Variants in ZNF566 observed in about 807,000 individuals in gnomAD.
ZNF566 encodes the protein zinc finger protein 566.
In ZNF566, 27 loss-of-function variants were observed where a neutral mutation model predicts 32.8. That is an observed-to-expected ratio of 0.82 (90% CI 0.61 to 1.14). The LOEUF (loss-of-function observed/expected upper bound fraction) is 1.14. Among genes scored for constraint, ZNF566 ranks in the 50% most tolerant of loss-of-function variants. ZNF566 has a pLI of 0.00. For missense variants in ZNF566, 402 were observed against 490.4 expected (o/e 0.82, Z 1.70); for synonymous variants, 154 against 159.5 (o/e 0.97, Z 0.26).
intron 1 of ZNF566, among the ~76,000 whole-genome samples, chr19:36,485,478 G>A (rs58847706): frequency 0.094 from 14,066 of 148,968 alleles, 809 homozygotes; most frequent in Non-Finnish European, 0.13. Flanking sequence ...AAAAGTGGCC[G>A]GTGCTGGGCG....
chr19:36,481,487 A>AG (rs1035859240), intron 1 of ZNF566, among the ~76,000 whole-genome samples: 3 of 147,652 alleles, frequency 2.0e-5, no homozygotes, highest in Admixed American at 6.8e-5. Flanking sequence ...AAAAAAAAAA[A>AG]AAAAAAAAGA....
At chr19:36,488,334 A>T (rs1255964329) in intron 1 of ZNF566, among the ~76,000 whole-genome samples, 1 of 152,072 alleles carries the variant, frequency 6.6e-6, no homozygotes, top group African/African-American at 2.4e-5. Flanking sequence ...GCCTCAAGTG[A>T]TCCTCTCACC....
chr19:36,459,232 T>C (rs1308549094), intron 4 of ZNF566, among the ~76,000 whole-genome samples: 1 of 152,152 alleles, frequency 6.6e-6, no homozygotes, highest in African/African-American at 2.4e-5. Flanking sequence ...ATAAAACAAA[T>C]TTCCAGGGTT....
intron 4 of ZNF566, among the ~76,000 whole-genome samples, chr19:36,460,389 A>C (rs2967446): frequency 0.26 from 39,277 of 152,068 alleles, 5,171 homozygotes; most frequent in South Asian, 0.37. Flanking sequence ...AAGAAGAATA[A>C]ACAAGTTTTA....
At chr19:36,465,526 C>T (rs1431550235) in intron 4 of ZNF566, among the ~76,000 whole-genome samples, 28 of 151,746 alleles carry the variant, frequency 1.8e-4, no homozygotes, top group African/African-American at 7.3e-5. Flanking sequence ...CCCAGGAGTG[C>T]GGTGGCACGA....
In ZNF566 at chr19:36,449,002, A is replaced by G. The variant is rs1489312873; in HGVS notation, c.1232T>C (p.Ile411Thr). The G allele has an allele frequency of 3.1e-6, 5 of 1,592,008 alleles. No homozygotes were observed. Among genetic ancestry groups the G allele is most frequent in the Admixed American group, 1.8e-5 (1 of 55,282 alleles). The change falls in exon 5 of 5, where the codon ATT becomes ACT. Residue 411 changes from isoleucine (I) to threonine (T), a missense_variant. By Grantham distance (89) the Ile-to-Thr change is moderately conservative (BLOSUM62 -1). Coordinates refer to ENST00000452939, the MANE Select transcript of ZNF566 (RefSeq NM_001145344.1). ...TCACCAGTACAAATTTTGATGCTGA[A>G]TAAGTTGTGGGTCATAATTAAAGTT... ...GKNFNYDPQL[I>T]QHQNLYW
At chr19:36,486,915 C>T (rs1432518493) in intron 1 of ZNF566, among the ~76,000 whole-genome samples, 1 of 150,762 alleles carries the variant, frequency 6.6e-6, no homozygotes, top group African/African-American at 2.4e-5. Context: ...CATGGTGAAA[C>T]TCTGTCTCCA....
chr19:36,467,026 G>A (rs946714636), intron 4 of ZNF566, among the ~76,000 whole-genome samples: 3 of 149,634 alleles, frequency 2.0e-5, no homozygotes, highest in Admixed American at 6.6e-5. Context: ...CCGAGATGGC[G>A]CCGCTGCACT....
In ZNF566 at chr19:36,449,045, A is replaced by T. The variant is rs1482063696; in HGVS notation, c.1189T>A (p.Tyr397Asn). ...RIHTSEKPYE[Y>N]RECGKNFNYD... ...TTAAAGTTCTTTCCACATTCCCTATATTCATAGGGTTTCTCACTAGTATGA... is the reference window on the plus strand; with the variant it reads ...TTAAAGTTCTTTCCACATTCCCTATTTTCATAGGGTTTCTCACTAGTATGA... Residue 397 changes from tyrosine to asparagine, a missense_variant, in exon 5 of 5, where the codon TAT (tyrosine) becomes AAT (asparagine). Tyr to Asn is a moderately radical substitution (Grantham distance 143). This residue lies in a region of ZNF566 where 47 missense variants were observed against 38.5 expected (regional missense o/e 1.22). Coordinates refer to ENST00000452939, the MANE Select transcript of ZNF566 (RefSeq NM_001145344.1). The T allele has an allele frequency of 2.5e-6, 4 of 1,612,300 alleles. No individual in the cohort carries two copies. The highest frequency in any genetic ancestry group is 1.7e-5 in the Admixed American group (1 of 59,618).
rs1313138250 is a variant in ZNF566, at chr19:36,447,708, G to T, written c.*1269C>A. 1 of 151,982 alleles carries T rather than the reference G, an allele frequency of 6.6e-6. No individual in the cohort carries two copies. The highest frequency in any genetic ancestry group is 2.1e-4 in the South Asian group (1 of 4,824). The allele number at this position is 151,982 out of a possible 1,614,324, so 9.4% of individuals were successfully genotyped here. The stretch of plus-strand genomic sequence containing the variant: ...CTGGGTATATAATGCGACAAAAAGA[G>T]TATTAGTCGGAATAAAGTCCTTCAC... On this transcript the variant is annotated 3_prime_UTR_variant, in exon 5 of 5. Transcript: ENST00000452939.
chr19:36,450,115 A>G (rs1384887554), intron 4 of ZNF566, 114 bp from the exon 5 acceptor site: 21 of 814,932 alleles, frequency 2.6e-5, no homozygotes. Flanking sequence ...TGAGGAAAAA[A>G]GAGAGTTAGA....
At chr19:36,451,797 G>A (rs1202094796) in intron 4 of ZNF566, among the ~76,000 whole-genome samples, 1 of 152,172 alleles carries the variant, frequency 6.6e-6, no homozygotes, top group Non-Finnish European at 1.5e-5. Flanking sequence ...CACGAGGTCA[G>A]GAGTTTGAGA....
At chr19:36,452,273 C>G (rs1432994258) in intron 4 of ZNF566, among the ~76,000 whole-genome samples, 1 of 150,414 alleles carries the variant, frequency 6.6e-6, no homozygotes, top group African/African-American at 2.5e-5. Context: ...TTATCAGTTA[C>G]CCATAGAGAA....
At chr19:36,460,937 T>C (rs1021261414) in intron 4 of ZNF566, among the ~76,000 whole-genome samples, 10 of 152,158 alleles carry the variant, frequency 6.6e-5, no homozygotes, top group Non-Finnish European at 1.2e-4. Flanking sequence ...GAGTTGTGAA[T>C]CCAGAATTTT....
intron 4 of ZNF566, among the ~76,000 whole-genome samples, chr19:36,463,551 T>G (rs938904901): frequency 1.4e-5 from 2 of 145,478 alleles, no homozygotes; most frequent in African/African-American, 5.1e-5. Flanking sequence ...TTTTTTTTTT[T>G]TTTTTTTTTG....
rs181280552 is a variant in ZNF566 at position 36,464,183 on chromosome 19, T to C, written c.232+8728A>G. Among the ~76,000 whole-genome samples the C allele has an allele frequency of 2.5e-3, 388 of 152,294 alleles. 2 individuals carry two copies. Among genetic ancestry groups the C allele is most frequent in the African/African-American group, 8.5e-3 (354 of 41,564 alleles). On this transcript the variant is annotated intron_variant, in intron 4 of 4. Coordinates refer to ENST00000452939, the MANE Select transcript of ZNF566 (RefSeq NM_001145344.1). ...TCCTATCAGAAATCAAGACTTGTTA[T>C]ATAAACAAGAGTAATTAAGGCAGGG...
intron 4 of ZNF566, among the ~76,000 whole-genome samples, chr19:36,451,202 T>C (rs1025326010): frequency 9.2e-5 from 14 of 152,178 alleles, no homozygotes; most frequent in Admixed American, 3.3e-4. Context: ...TGGTCTGGAT[T>C]CTGTAACAGG....
At chr19:36,458,858 A>AT (rs2033386318) in intron 4 of ZNF566, among the ~76,000 whole-genome samples, 2 of 152,098 alleles carry the variant, frequency 1.3e-5, no homozygotes, top group Admixed American at 6.6e-5. Flanking sequence ...AATACATATA[A>AT]TTTTTCTTTT....
chr19:36,463,343 T>A (rs192062433), intron 4 of ZNF566, among the ~76,000 whole-genome samples: 89 of 152,074 alleles, frequency 5.9e-4, no homozygotes, highest in African/African-American at 2.0e-3. Context: ...CCCAAAAATA[T>A]ATAGAAAATA....
Sources: gnomAD v4.1 joint callset for allele counts (sites outside exome capture counted in the v4.1 genomes callset) on GRCh38, gnomAD v4.1.1 for gene constraint, gnomAD v4.1.1 regional missense constraint, MANE v1.5 for transcripts, NCBI Gene and HGNC (gene_info 2026-07-23, HGNC 2026-07-21) for gene names.